EMCN: variants seen among roughly 807,000 people sequenced by gnomAD.
The protein encoded by EMCN is endomucin, also known as MUC-14.
A neutral mutation model predicts 38.4 loss-of-function variants in EMCN; 37 were observed. The observed-to-expected ratio is 0.96, with a 90% CI of 0.74 to 1.27. The LOEUF (loss-of-function observed/expected upper bound fraction) is 1.27, where lower values mean the gene tolerates loss of function less well. Among genes scored for constraint, EMCN ranks in the 50% most tolerant of loss-of-function variants. The pLI, the probability that EMCN is intolerant of heterozygous loss-of-function variation, is 0.00. For synonymous variants in EMCN, 95 were observed against 100.8 expected, an observed-to-expected ratio of 0.94 and a Z score of 0.35; for missense variants, 318 against 302.8, an observed-to-expected ratio of 1.05 and a Z score of -0.37.
intron 4 of EMCN, among the ~76,000 whole-genome samples, chr4:100,465,006 T>C (rs1275880829): frequency 1.3e-5 from 2 of 152,092 alleles, no homozygotes; most frequent in African/African-American, 4.8e-5. Flanking sequence ...TGGCTTGGGG[T>C]TTTCTTCATA....
chr4:100,465,502 G>A lies in EMCN; in HGVS notation c.297C>T (p.Asp99=). 1 of 1,607,884 alleles carries A rather than the reference G, an allele frequency of 6.2e-7. No individual in the cohort carries two copies. Among genetic ancestry groups the A allele is most frequent in the Non-Finnish European group, 8.5e-7 (1 of 1,175,954 alleles). Residue 99 remains aspartate, a synonymous_variant, in exon 4 of 12, where the codon GAC becomes GAT. Transcript: ENST00000296420. The part of the protein sequence containing the change: ...KATTTDVRKN[D]SIISNVTVTS... Reference sequence around the variant, plus strand: ...TTACTGTTACGTTTGAAATGATGGAGTCATTCTTCCTGACATCAGTGGTTG... The same window carrying A: ...TTACTGTTACGTTTGAAATGATGGAATCATTCTTCCTGACATCAGTGGTTG...
chr4:100,481,140 T>C (rs2110282104), intron 1 of EMCN, among the ~76,000 whole-genome samples: 1 of 152,230 alleles, frequency 6.6e-6, no homozygotes, highest in East Asian at 1.9e-4. Context: ...ATATATACCA[T>C]GTTAGTTAAG....
At chr4:100,468,173 A>G (rs1382637948) in intron 3 of EMCN, among the ~76,000 whole-genome samples, 1 of 152,252 alleles carries the variant, frequency 6.6e-6, no homozygotes, top group East Asian at 1.9e-4. Context: ...AGGGAGTCGT[A>G]TCAGTACCAG....
At chr4:100,492,085 C>T (rs1729096616) in intron 1 of EMCN, among the ~76,000 whole-genome samples, 1 of 152,050 alleles carries the variant, frequency 6.6e-6, no homozygotes, top group African/African-American at 2.4e-5. Context: ...GGAAAAATAT[C>T]AGAGTAATTC....
chr4:100,473,497 G>A (rs1327442922), intron 3 of EMCN, among the ~76,000 whole-genome samples: 1 of 150,136 alleles, frequency 6.7e-6, no homozygotes, highest in East Asian at 2.0e-4. Context: ...TTCAAAATGG[G>A]TCGTAAAAGA....
At chr4:100,459,718 A>G (rs1457409537) in intron 4 of EMCN, among the ~76,000 whole-genome samples, 1 of 152,060 alleles carries the variant, frequency 6.6e-6, no homozygotes. Context: ...TAGCATAATG[A>G]CCTCTAAGTT....
intron 1 of EMCN, chr4:100,483,352 A>G (rs985183237): frequency 1.3e-5 from 2 of 152,174 alleles, no homozygotes; most frequent in African/African-American, 4.8e-5. Context: ...ACATCTGGCC[A>G]TAAGAAGGTA....
chr4:100,433,799 G>A (rs1193666091), intron 5 of EMCN, among the ~76,000 whole-genome samples: 1 of 152,062 alleles, frequency 6.6e-6, no homozygotes, highest in Non-Finnish European at 1.5e-5. Context: ...GCCTCCCAAA[G>A]TGCTGGGATT....
intron 4 of EMCN, among the ~76,000 whole-genome samples, chr4:100,460,288 A>C (rs1211789115): frequency 6.6e-6 from 1 of 152,038 alleles, no homozygotes; most frequent in African/African-American, 2.4e-5. Flanking sequence ...TTTCTTTGCT[A>C]TTACATTGTT....
At chr4:100,439,205 T>A (rs1261051168) in intron 5 of EMCN, among the ~76,000 whole-genome samples, 1 of 152,038 alleles carries the variant, frequency 6.6e-6, no homozygotes, top group Non-Finnish European at 1.5e-5. Context: ...TCTCTGAAGG[T>A]TTGGTAGAAT....
chr4:100,446,986 T>G (rs533554308), intron 5 of EMCN, among the ~76,000 whole-genome samples: 1 of 152,302 alleles, frequency 6.6e-6, no homozygotes, highest in East Asian at 1.9e-4. Context: ...ATAACTATGA[T>G]TTCTGAACAG....
intron 11 of EMCN, among the ~76,000 whole-genome samples, chr4:100,401,139 G>T (rs17030063): frequency 0.17 from 26,363 of 152,058 alleles, 3,811 homozygotes; most frequent in East Asian, 0.77. Context: ...GTGGAACCCA[G>T]TGTAGAGCAT....
At chr4:100,492,851 G>A (rs1192169302) in intron 1 of EMCN, among the ~76,000 whole-genome samples, 1 of 152,090 alleles carries the variant, frequency 6.6e-6, no homozygotes, top group Non-Finnish European at 1.5e-5. Flanking sequence ...AACGCGGTCT[G>A]GGGGCCATGT....
chr4:100,429,193 G>A (rs969598999), intron 5 of EMCN, among the ~76,000 whole-genome samples: 2 of 152,072 alleles, frequency 1.3e-5, no homozygotes, highest in Admixed American at 1.3e-4. Context: ...TGACACTCAG[G>A]GAAAGGAGAA....
chr4:100,475,302 T>TACACACACACACAC (rs59162117), intron 2 of EMCN, among the ~76,000 whole-genome samples, 193 bp from the exon 3 acceptor site: 2,788 of 143,042 alleles, frequency 0.019, 49 homozygotes, highest in East Asian at 0.039. Flanking sequence ...TTGGGTGGCC[T>TACACACACACACAC]ACACACACAC....
intron 4 of EMCN, among the ~76,000 whole-genome samples, chr4:100,455,753 T>G (rs776199665): frequency 6.6e-6 from 1 of 152,046 alleles, no homozygotes; most frequent in Non-Finnish European, 1.5e-5. Context: ...TATGGGTTTA[T>G]AATTTTATAC....
intron 4 of EMCN, among the ~76,000 whole-genome samples, chr4:100,448,795 T>TTTTCTTTC (rs58028381): frequency 0.6 from 69,505 of 116,170 alleles, 20,542 homozygotes; most frequent in East Asian, 0.87. Flanking sequence ...TGCCTTGAAG[T>TTTTCTTTC]CTTCCTTCCT....
At chr4:100,459,348 A>G (rs1192720703) in intron 4 of EMCN, among the ~76,000 whole-genome samples, 1 of 152,114 alleles carries the variant, frequency 6.6e-6, no homozygotes, top group Non-Finnish European at 1.5e-5. Context: ...TTTGAGATAT[A>G]CATGTATTGT....
chr4:100,405,103 G>A (rs1443312796), intron 11 of EMCN, among the ~76,000 whole-genome samples: 1 of 152,068 alleles, frequency 6.6e-6, no homozygotes, highest in African/African-American at 2.4e-5. Context: ...ATCAGAGCTA[G>A]GAGCCTTTGG....
Sources: gnomAD v4.1 joint callset for allele counts (sites outside exome capture counted in the v4.1 genomes callset) on GRCh38, gnomAD v4.1.1 for gene constraint, MANE v1.5 for transcripts, NCBI Gene and HGNC (gene_info 2026-07-23, HGNC 2026-07-21) for gene names.